Variants in NELL2 observed in about 807,000 individuals in gnomAD.
NELL2 encodes the protein protein kinase C-binding protein NELL2.
NELL2 carries 41 observed loss-of-function variants against 109.6 expected under a neutral mutation model. The ratio of observed to expected loss-of-function variants is 0.37; its 90% CI spans 0.29 to 0.49. The LOEUF is 0.49. Ranked by LOEUF, NELL2 falls within the 20% of genes least tolerant of loss-of-function variation. The probability of loss-of-function intolerance (pLI) is 0.98; values close to 1 mark genes in which losing one functional copy is unlikely to be tolerated. For missense variants in NELL2, 900 were observed against 1,008.3 expected (o/e 0.89, Z 1.45); for synonymous variants, 355 against 344.7 (o/e 1.03, Z -0.33).
intron 12 of NELL2, among the ~76,000 whole-genome samples, chr12:44,702,241 T>A (rs1435922152): frequency 6.6e-6 from 1 of 152,140 alleles, no homozygotes; most frequent in Non-Finnish European, 1.5e-5. Context: ...TCTTCTCTAG[T>A]TCTATAGTCA....
intron 2 of NELL2, among the ~76,000 whole-genome samples, chr12:44,874,363 T>C (rs1267926574): frequency 1.3e-5 from 2 of 152,170 alleles, no homozygotes; most frequent in Non-Finnish European, 2.9e-5. Flanking sequence ...CATACATGAA[T>C]CTAGTCTGTC....
chr12:44,597,110 A>G (rs1238871521), intron 15 of NELL2, among the ~76,000 whole-genome samples: 1 of 152,156 alleles, frequency 6.6e-6, no homozygotes, highest in Non-Finnish European at 1.5e-5. Flanking sequence ...GGTTCTTGTG[A>G]TTAGTAAATT....
chr12:44,730,397 A>G (rs1308374104), intron 9 of NELL2, among the ~76,000 whole-genome samples: 1 of 152,182 alleles, frequency 6.6e-6, no homozygotes, highest in Non-Finnish European at 1.5e-5. Flanking sequence ...CTATAAAACA[A>G]GTCTTAACAA....
At position 44,577,491 on chromosome 12, in the gene NELL2, T is replaced by TTTTTC. The variant is rs1339996401; in HGVS notation, c.1663+29677_1663+29678insGAAAA. 1.2e-3 allele frequency among the ~76,000 whole-genome samples: 167 copies of TTTTTC among 137,418 alleles called. 17 individuals carry two copies. The highest frequency in any genetic ancestry group is 4.9e-3 in the African/African-American group (158 of 31,924). 90.2% of individuals were successfully genotyped at this position (137,418 alleles called of 152,430 possible). ...TTTTTTTTTTTTTTTTTTTTTTTTTTTGAGATGGAGTCTTGCTCTGTCTCC... is the reference window on the plus strand; with the variant it reads ...TTTTTTTTTTTTTTTTTTTTTTTTTTTTTTCTGAGATGGAGTCTTGCTCTGTCTCC... On this transcript the variant is annotated intron_variant, in intron 15 of 19. Coordinates refer to ENST00000429094, the MANE Select transcript of NELL2 (RefSeq NM_001145108.2).
intron 2 of NELL2, among the ~76,000 whole-genome samples, chr12:44,848,212 T>C (rs528266093): frequency 1.3e-5 from 2 of 152,130 alleles, no homozygotes; most frequent in South Asian, 4.2e-4. Context: ...TGTCCCAATG[T>C]TTGGCTGGGG....
At chr12:44,833,963 T>C (rs3847982) in intron 2 of NELL2, among the ~76,000 whole-genome samples, 48,318 of 152,130 alleles carry the variant, frequency 0.32, 8,506 homozygotes, top group Non-Finnish European at 0.4. Context: ...CCAATCTGAA[T>C]GCTAGTCTAA....
chr12:44,717,878 A>AT (rs1383436325), intron 9 of NELL2, among the ~76,000 whole-genome samples: 2 of 152,296 alleles, frequency 1.3e-5, no homozygotes, highest in African/African-American at 4.8e-5. Flanking sequence ...GACCAGAGTG[A>AT]TGCAGGCTGC....
intron 15 of NELL2, among the ~76,000 whole-genome samples, chr12:44,594,277 C>T (rs1944874057): frequency 6.6e-6 from 1 of 151,812 alleles, no homozygotes; most frequent in African/African-American, 2.4e-5. Context: ...TATCCAAGAA[C>T]TTTAAGTATA....
At chr12:44,588,594 C>T (rs1467308188) in intron 15 of NELL2, among the ~76,000 whole-genome samples, 3 of 152,182 alleles carry the variant, frequency 2.0e-5, no homozygotes, top group Non-Finnish European at 4.4e-5. Context: ...TGTTTCCTGG[C>T]ATTAGGCAAA....
intron 15 of NELL2, among the ~76,000 whole-genome samples, chr12:44,559,154 G>T (rs1943373443): frequency 6.6e-6 from 1 of 152,184 alleles, no homozygotes; most frequent in Admixed American, 6.5e-5. Context: ...TGCCAGGCAT[G>T]CCTTACAAGA....
At chr12:44,693,540 T>A (rs1948966833) in intron 12 of NELL2, among the ~76,000 whole-genome samples, 1 of 152,186 alleles carries the variant, frequency 6.6e-6, no homozygotes, top group South Asian at 2.1e-4. Flanking sequence ...AACGGTTTCA[T>A]CTTTATCAGG....
At chr12:44,551,445 T>C (rs1943041298) in intron 15 of NELL2, among the ~76,000 whole-genome samples, 1 of 152,176 alleles carries the variant, frequency 6.6e-6, no homozygotes, top group Non-Finnish European at 1.5e-5. Flanking sequence ...TGAGGATACA[T>C]GAGTAAAGAA....
intron 9 of NELL2, among the ~76,000 whole-genome samples, chr12:44,740,898 G>T (rs1335481466): frequency 2.0e-5 from 3 of 152,144 alleles, no homozygotes; most frequent in Non-Finnish European, 4.4e-5. Flanking sequence ...TACTGATAGG[G>T]ATAATCTGTT....
intron 2 of NELL2, among the ~76,000 whole-genome samples, chr12:44,824,384 C>T (rs904780918): frequency 1.1e-4 from 17 of 152,152 alleles, no homozygotes; most frequent in African/African-American, 4.1e-4. Context: ...TTCTAGTAGT[C>T]TTACAGTTAA....
rs558407976 is a variant in NELL2, at chr12:44,511,746, C to G, written c.2401-2762G>C. ...CTGAAGCAGTGCGTCAGATCTGTGT[C>G]CTTCTAAGATATAAAGGATTGATAA... On this transcript the variant is annotated intron_variant, in intron 19 of 19. Coordinates refer to ENST00000429094, the MANE Select transcript of NELL2 (RefSeq NM_001145108.2). Among the ~76,000 whole-genome samples the G allele has an allele frequency of 2.4e-4, 36 of 152,210 alleles. No individual in the cohort carries two copies. The East Asian group carries it at 6.8e-3, about 29-fold the overall frequency.
chr12:44,776,824 A>G (rs1022143332), intron 7 of NELL2, among the ~76,000 whole-genome samples: 1 of 152,226 alleles, frequency 6.6e-6, no homozygotes, highest in African/African-American at 2.4e-5. Flanking sequence ...TAAATTAGGT[A>G]ATCTGCCTCA....
intron 9 of NELL2, among the ~76,000 whole-genome samples, chr12:44,744,043 G>C (rs142427430): frequency 0.061 from 9,257 of 152,058 alleles, 375 homozygotes; most frequent in Non-Finnish European, 0.089. Context: ...TGACCACATA[G>C]TTGGAAGTAA....
chr12:44,901,791 T>C (rs1460142772), intron 1 of NELL2, among the ~76,000 whole-genome samples: 2 of 152,018 alleles, frequency 1.3e-5, no homozygotes, highest in Non-Finnish European at 2.9e-5. Context: ...ACAGAACCAA[T>C]GACAAAAACC....
At chr12:44,528,220 G>GT (rs925827546) in intron 16 of NELL2, among the ~76,000 whole-genome samples, 15 of 148,914 alleles carry the variant, frequency 1.0e-4, no homozygotes, top group East Asian at 3.9e-4. Context: ...TTCCAGAAGA[G>GT]TTTTTTTTTG....
Sources: gnomAD v4.1 joint callset for allele counts (sites outside exome capture counted in the v4.1 genomes callset) on GRCh38, gnomAD v4.1.1 for gene constraint, MANE v1.5 for transcripts, NCBI Gene and HGNC (gene_info 2026-07-23, HGNC 2026-07-21) for gene names.